EXOC1: variants seen among roughly 807,000 people sequenced by gnomAD.
EXOC1 encodes the protein exocyst complex component 1, also known as SEC3-like 1.
A neutral mutation model predicts 107.7 loss-of-function variants in EXOC1; 67 were observed. The ratio of observed to expected loss-of-function variants is 0.62; its 90% CI spans 0.51 to 0.76. The LOEUF (loss-of-function observed/expected upper bound fraction) is 0.76. Among genes scored for constraint, EXOC1 ranks in the 30% least tolerant of loss-of-function variants. The pLI, the probability that EXOC1 is intolerant of heterozygous loss-of-function variation, is 0.00. For missense variants in EXOC1, 833 were observed against 1,055.7 expected, an observed-to-expected ratio of 0.79 and a Z score of 2.92; for synonymous variants, 348 against 353.5, an observed-to-expected ratio of 0.98 and a Z score of 0.17.
chr4:55,867,297 G>C (rs1199924455), intron 4 of EXOC1, among the ~76,000 whole-genome samples: 1 of 152,124 alleles, frequency 6.6e-6, no homozygotes, highest in Non-Finnish European at 1.5e-5. Context: ...GTAATTGCCT[G>C]TACCAAAAGT....
intron 9 of EXOC1, among the ~76,000 whole-genome samples, chr4:55,882,187 C>G (rs2109424857): frequency 6.6e-6 from 1 of 152,272 alleles, no homozygotes; most frequent in South Asian, 2.1e-4. Context: ...GACACCCAGG[C>G]TGGAATGCAG....
intron 10 of EXOC1, among the ~76,000 whole-genome samples, chr4:55,886,575 CAAAAAAA>C (rs71832369): frequency 9.4e-5 from 9 of 96,234 alleles, no homozygotes; most frequent in South Asian, 2.9e-4. Context: ...AACAAAAAAA[CAAAAAAA>C]AAAAAAACAA....
At position 55,904,384 on chromosome 4, in the gene EXOC1, T is replaced by C. The variant is rs1726384669; in HGVS notation, c.2574T>C (p.Tyr858=). The C allele has an allele frequency of 1.9e-6, 3 of 1,612,256 alleles. No individual in the cohort carries two copies. The highest frequency in any genetic ancestry group is 4.5e-5 in the East Asian group (2 of 44,836). Residue 858 remains tyrosine (Y), a synonymous_variant, in exon 19 of 19, where the codon TAT becomes TAC. Transcript: ENST00000381295. Reference sequence around the variant, plus strand: ...TGCAAGATGAATTTATACGCCAGTATAAGCACTTTGAAGGTTTGATAGCTC... The same window carrying C: ...TGCAAGATGAATTTATACGCCAGTACAAGCACTTTGAAGGTTTGATAGCTC... ...HSMQDEFIRQ[Y]KHFEGLIARC...
At chr4:55,890,429 T>G (rs1191485336) in intron 12 of EXOC1, 43 bp downstream of exon 12, 2 of 1,580,536 alleles carry the variant, frequency 1.3e-6, no homozygotes, top group Admixed American at 1.7e-5. Context: ...TAACATTAGT[T>G]TTCTAACAGC....
chr4:55,894,228 G>A (rs1031076067), intron 15 of EXOC1, among the ~76,000 whole-genome samples: 1 of 151,910 alleles, frequency 6.6e-6, no homozygotes, highest in African/African-American at 2.4e-5. Context: ...GGGAGGCTGA[G>A]GCAGGAGAAT....
chr4:55,888,725 G>A (rs924683965), intron 10 of EXOC1, 163 bp from the exon 11 acceptor site: 1 of 626,836 alleles, frequency 1.6e-6, no homozygotes, highest in Non-Finnish European at 2.8e-6. Context: ...AACAGTAGGT[G>A]ACCAACTAAA....
chr4:55,872,487 G>A (rs1481798135), intron 8 of EXOC1, among the ~76,000 whole-genome samples: 1 of 151,854 alleles, frequency 6.6e-6, no homozygotes, highest in African/African-American at 2.4e-5. Context: ...TAAGAGTGTG[G>A]TAATAATATT....
At chr4:55,904,259 A>G (rs1577806319) in intron 18 of EXOC1, 84 bp from the exon 19 acceptor site, 3 of 1,337,556 alleles carry the variant, frequency 2.2e-6, no homozygotes, top group South Asian at 3.7e-5. Context: ...CCAAATTCTT[A>G]GAATATGCCT....
At chr4:55,863,531 G>A (rs1339080696) in intron 3 of EXOC1, among the ~76,000 whole-genome samples, 2 of 152,148 alleles carry the variant, frequency 1.3e-5, no homozygotes, top group Non-Finnish European at 2.9e-5. Flanking sequence ...AGGATTGCCT[G>A]AGCCCAGGAG....
chr4:55,871,360 G>A (rs1722422110), intron 7 of EXOC1, 127 bp downstream of exon 7: 2 of 1,198,598 alleles, frequency 1.7e-6, no homozygotes, highest in Admixed American at 3.0e-5. Context: ...AGCTATTCAA[G>A]TTTCACTGAT....
intron 8 of EXOC1, chr4:55,876,718 C>T: frequency 1.0e-6 from 1 of 985,314 alleles, no homozygotes; most frequent in East Asian, 1.1e-4. Flanking sequence ...TTCAGTTTCC[C>T]AAGTTAACCT....
intron 4 of EXOC1, among the ~76,000 whole-genome samples, chr4:55,867,249 C>G (rs780525527): frequency 6.6e-6 from 1 of 152,112 alleles, no homozygotes; most frequent in Non-Finnish European, 1.5e-5. Context: ...ACAAGGAGAT[C>G]GGTAATATCT....
Position 55,904,475 on chromosome 4 carries a change from A to G in EXOC1, c.2665A>G (p.Ser889Gly), listed in dbSNP as rs1726393213. ...TIQDILDYCS[S>G]IAQSH ...TCAGGACATTCTGGATTATTGTTCC[A>G]GCATTGCACAGTCCCACTAAACCTT... The change falls in exon 19 of 19, where the codon AGC (serine) becomes GGC (glycine). Residue 889 changes from serine to glycine, a missense_variant. Coordinates refer to ENST00000381295, the MANE Select transcript of EXOC1 (RefSeq NM_001024924.2). 1.2e-6 allele frequency: 2 copies of G among 1,612,136 alleles called. No individual in the cohort carries two copies. Among genetic ancestry groups the G allele is most frequent in the Middle Eastern group, 1.6e-4 (1 of 6,072 alleles).
intron 16 of EXOC1, 103 bp from the exon 17 acceptor site, chr4:55,899,582 A>T (rs1725655927): frequency 1.7e-5 from 17 of 1,024,734 alleles, no homozygotes; most frequent in Non-Finnish European, 2.3e-5. Flanking sequence ...AATGTGCTTA[A>T]TTCTTAAACT....
chr4:55,899,914 T>C, intron 17 of EXOC1, 30 bp downstream of exon 17: 1 of 1,581,444 alleles, frequency 6.3e-7, no homozygotes, highest in South Asian at 1.1e-5. Context: ...GTATTTTTCC[T>C]ACTTTTGAAC....
At chr4:55,892,043 G>A (rs1400568864) in intron 13 of EXOC1, among the ~76,000 whole-genome samples, 1 of 152,046 alleles carries the variant, frequency 6.6e-6, no homozygotes, top group Non-Finnish European at 1.5e-5. Context: ...CAAATAAAGT[G>A]TTTTTTAAAT....
chr4:55,900,231 C>G (rs923647239), intron 17 of EXOC1, among the ~76,000 whole-genome samples: 3 of 151,988 alleles, frequency 2.0e-5, no homozygotes, highest in African/African-American at 7.2e-5. Context: ...AAAACTTGCC[C>G]GACATCATAA....
chr4:55,903,476 A>G (rs1236235996), intron 18 of EXOC1, among the ~76,000 whole-genome samples: 2 of 152,190 alleles, frequency 1.3e-5, no homozygotes, highest in African/African-American at 2.4e-5. Flanking sequence ...GAGCTAAACG[A>G]TGAAAAGTAA....
intron 1 of EXOC1, 22 bp downstream of exon 1, chr4:55,853,975 G>C (rs1314448971): frequency 6.6e-6 from 1 of 152,264 alleles, no homozygotes; most frequent in African/African-American, 2.4e-5. Flanking sequence ...TTTGGTCAGA[G>C]CATTCTCCAG....
Sources: allele counts gnomAD v4.1 joint callset (sites outside exome capture counted in the v4.1 genomes callset), GRCh38; gene constraint gnomAD v4.1.1; transcripts MANE v1.5; gene names NCBI Gene and HGNC (gene_info 2026-07-23, HGNC 2026-07-21).